Variants in NALF1 observed in about 807,000 individuals in gnomAD.
The protein encoded by NALF1 is NALCN channel auxiliary factor 1, also known as family with sequence similarity 155 member A.
In NALF1, 3 loss-of-function variants were observed where a neutral mutation model predicts 48.4. That is an observed-to-expected ratio of 0.06 (90% CI 0.03 to 0.16). NALF1 has a LOEUF of 0.16. Ranked by LOEUF, NALF1 falls within the 10% of genes least tolerant of loss-of-function variation. The probability of loss-of-function intolerance (pLI) is 1.00; values close to 1 mark genes in which losing one functional copy is unlikely to be tolerated. For missense variants in NALF1, 526 were observed against 571.5 expected (o/e 0.92, Z 0.81); for synonymous variants, 262 against 245.7 (o/e 1.07, Z -0.62).
intron 1 of NALF1, among the ~76,000 whole-genome samples, chr13:107,558,730 A>G (rs1245239049): frequency 6.6e-6 from 1 of 152,116 alleles, no homozygotes; most frequent in Non-Finnish European, 1.5e-5. Flanking sequence ...TTTCCCAGAG[A>G]GATTAGCATT....
rs374595755 is a variant in NALF1, at chr13:107,646,362, C to G, written c.915+219320G>C. 6.0e-5 allele frequency among the ~76,000 whole-genome samples: 9 copies of G among 149,432 alleles called. No homozygotes were observed. The South Asian group carries it at 1.9e-3, about 32-fold the overall frequency. ...TCACATTCACATCCTAACATAATAA[C>G]AGTAGTATCTTCCAAATGATGCAGT... On this transcript the variant is annotated intron_variant, in intron 1 of 2. Transcript: ENST00000375915.
At chr13:107,590,521 C>A (rs1052049443) in intron 1 of NALF1, among the ~76,000 whole-genome samples, 1 of 151,906 alleles carries the variant, frequency 6.6e-6, no homozygotes, top group Non-Finnish European at 1.5e-5. Flanking sequence ...GTCTTCCTAG[C>A]TCGCACTGTA....
rs1470239469 is a variant in NALF1, at chr13:107,405,647, T to G, written c.916-194892A>C. On this transcript the variant is annotated intron_variant, in intron 1 of 2. Coordinates refer to ENST00000375915, the MANE Select transcript of NALF1 (RefSeq NM_001080396.3). ...CTATTTGTATTTTAAAAGATCATCT[T>G]ATAAATCAAATTCTTCCAAATAGGT... is the stretch of plus-strand genomic sequence containing the variant. 2.0e-5 allele frequency among the ~76,000 whole-genome samples: 3 copies of G among 152,076 alleles called. No homozygotes were observed. In the East Asian group the frequency reaches 5.8e-4, roughly 29 times the overall value.
At chr13:107,353,029 A>G (rs2138946831) in intron 1 of NALF1, among the ~76,000 whole-genome samples, 1 of 152,140 alleles carries the variant, frequency 6.6e-6, no homozygotes, top group African/African-American at 2.4e-5. Flanking sequence ...GCATAACGAG[A>G]CAACCTTTGT....
intron 1 of NALF1, among the ~76,000 whole-genome samples, chr13:107,346,768 A>T (rs556636941): frequency 1.1e-3 from 171 of 152,320 alleles, no homozygotes; most frequent in African/African-American, 4.0e-3. Flanking sequence ...TTTGTTTTTT[A>T]CAATTTTAAA....
At chr13:107,417,740 C>T (rs901272929) in intron 1 of NALF1, among the ~76,000 whole-genome samples, 1 of 152,148 alleles carries the variant, frequency 6.6e-6, no homozygotes, top group Admixed American at 6.6e-5. Flanking sequence ...TGGCCTCTGG[C>T]TCTTTTCCTT....
intron 1 of NALF1, among the ~76,000 whole-genome samples, chr13:107,509,663 A>C (rs1875816003): frequency 1.3e-5 from 2 of 152,190 alleles, no homozygotes; most frequent in Non-Finnish European, 2.9e-5. Flanking sequence ...AGAAGGGATT[A>C]ATACAATCAG....
At chr13:107,716,526 T>G (rs1875825582) in intron 1 of NALF1, among the ~76,000 whole-genome samples, 1 of 152,186 alleles carries the variant, frequency 6.6e-6, no homozygotes, top group Non-Finnish European at 1.5e-5. Flanking sequence ...ACAGACAAAT[T>G]TGTTGGGCCA....
intron 1 of NALF1, among the ~76,000 whole-genome samples, chr13:107,254,311 A>T (rs1240567402): frequency 6.6e-6 from 1 of 152,168 alleles, no homozygotes; most frequent in East Asian, 1.9e-4. Flanking sequence ...TGTTGGGTGG[A>T]AAGCACGCAC....
At chr13:107,859,914 C>CAAAAAAAAAAAAAAA (rs778833499) in intron 1 of NALF1, among the ~76,000 whole-genome samples, 1 of 66,470 alleles carries the variant, frequency 1.5e-5, no homozygotes, top group Admixed American at 1.8e-4. Context: ...AACTCCAACT[C>CAAAAAAAAAAAAAAA]AAAAAAAAAA....
chr13:107,850,903 C>CA lies in NALF1; in HGVS notation c.915+14778dup, dbSNP rs540918534. 2.6e-3 allele frequency among the ~76,000 whole-genome samples: 367 copies of CA among 141,766 alleles called. 2 individuals carry two copies. The highest frequency in any genetic ancestry group is 7.7e-3 in the African/African-American group (296 of 38,586). 93.0% of individuals were successfully genotyped at this position (141,766 alleles called of 152,430 possible). The stretch of plus-strand genomic sequence containing the variant: ...GGATGACAGAGCGAGACTCCATCTC[C>CA]AAAAAAAAAAGGAAAAGAAAAAGAA... On this transcript the variant is annotated intron_variant, in intron 1 of 2. Coordinates refer to ENST00000375915, the MANE Select transcript of NALF1 (RefSeq NM_001080396.3).
rs899140115 is a variant in NALF1 at position 107,427,456 on chromosome 13, T to A, written c.916-216701A>T. On this transcript the variant is annotated intron_variant, in intron 1 of 2. Transcript: ENST00000375915. ...ACTGTTTGGAAGAATTTTATTTTCA[T>A]TTTATTTTATTTCTTAAGAAGAACT... 1.4e-4 allele frequency among the ~76,000 whole-genome samples: 22 copies of A among 152,244 alleles called. No individual in the cohort carries two copies. In the South Asian group the frequency reaches 1.9e-3, roughly 13 times the overall value.
chr13:107,702,151 G>A (rs370990839), intron 1 of NALF1, among the ~76,000 whole-genome samples: 1 of 152,056 alleles, frequency 6.6e-6, no homozygotes, highest in Non-Finnish European at 1.5e-5. Flanking sequence ...TCGAGAGTAC[G>A]GAACTTTGGT....
chr13:107,349,273 A>G (rs1210879182), intron 1 of NALF1, among the ~76,000 whole-genome samples: 1 of 152,148 alleles, frequency 6.6e-6, no homozygotes, highest in Non-Finnish European at 1.5e-5. Flanking sequence ...CAAGCATGTC[A>G]AAAGGACTCT....
intron 1 of NALF1, among the ~76,000 whole-genome samples, chr13:107,221,969 G>A (rs959082103): frequency 3.9e-4 from 60 of 152,186 alleles, no homozygotes; most frequent in African/African-American, 1.4e-3. Flanking sequence ...AGAAAATGCG[G>A]CTGTTTTCAA....
At chr13:107,575,181 A>G (rs1391538275) in intron 1 of NALF1, among the ~76,000 whole-genome samples, 1 of 152,160 alleles carries the variant, frequency 6.6e-6, no homozygotes, top group East Asian at 1.9e-4. Flanking sequence ...TCATTTGGTA[A>G]TAGAAGAGAG....
intron 1 of NALF1, among the ~76,000 whole-genome samples, chr13:107,623,281 T>G (rs1334665580): frequency 1.3e-5 from 2 of 152,192 alleles, no homozygotes; most frequent in African/African-American, 4.8e-5. Flanking sequence ...CTTCTCTGTA[T>G]AGCCTGAATT....
At chr13:107,814,283 C>G (rs1441834780) in intron 1 of NALF1, among the ~76,000 whole-genome samples, 5 of 152,108 alleles carry the variant, frequency 3.3e-5, no homozygotes, top group Non-Finnish European at 5.9e-5. Flanking sequence ...TACCCCTATC[C>G]ATCATCCTCA....
At chr13:107,858,964 T>G (rs1161281833) in intron 1 of NALF1, among the ~76,000 whole-genome samples, 1 of 152,178 alleles carries the variant, frequency 6.6e-6, no homozygotes, top group African/African-American at 2.4e-5. Context: ...CTTAGTTCAG[T>G]TTTCTATTCA....
Sources: gnomAD v4.1 joint callset for allele counts (sites outside exome capture counted in the v4.1 genomes callset) on GRCh38, gnomAD v4.1.1 for gene constraint, MANE v1.5 for transcripts, NCBI Gene and HGNC (gene_info 2026-07-23, HGNC 2026-07-21) for gene names.